GLCCI1: variants seen among roughly 807,000 people sequenced by gnomAD.
The protein encoded by GLCCI1 is glucocorticoid induced 1.
GLCCI1 carries 24 observed loss-of-function variants against 52.2 expected under a neutral mutation model. The observed-to-expected ratio is 0.46, with a 90% confidence interval of 0.33 to 0.65. GLCCI1 has a LOEUF of 0.65. Ranked by LOEUF, GLCCI1 falls within the 30% of genes least tolerant of loss-of-function variation. The pLI, the probability that GLCCI1 is intolerant of heterozygous loss-of-function variation, is 0.02. For missense variants in GLCCI1, 704 were observed against 701.5 expected (o/e 1.00, Z -0.04); for synonymous variants, 310 against 276.5 (o/e 1.12, Z -1.20).
chr7:8,016,624 A>G (rs1291393359), intron 2 of GLCCI1, among the ~76,000 whole-genome samples: 2 of 152,192 alleles, frequency 1.3e-5, no homozygotes, highest in Non-Finnish European at 2.9e-5. Context: ...GAGATACCAT[A>G]TTGTTAGGAA....
intron 3 of GLCCI1, among the ~76,000 whole-genome samples, chr7:8,028,333 G>T (rs1007131708): frequency 1.3e-5 from 2 of 152,116 alleles, no homozygotes; most frequent in Non-Finnish European, 2.9e-5. Context: ...CAAGCACATG[G>T]AAGTTAAACA....
rs1478327157 is a variant in GLCCI1, at chr7:7,968,840, C to CGGCGGCGTT, written c.-510_-502dup. The CGGCGGCGTT allele has an allele frequency of 1.9e-5, 3 of 160,666 alleles. No homozygotes were observed. The highest frequency in any genetic ancestry group is 7.2e-5 in the African/African-American group (3 of 41,496). The allele number at this position is 160,666 out of a possible 1,614,324, so 10.0% of individuals were successfully genotyped here. A position where few individuals can be genotyped will look rare whatever the true frequency, so the allele number is the denominator to read the frequency against. On this transcript the variant is annotated 5_prime_UTR_variant, in exon 1 of 8. Coordinates refer to ENST00000223145, the MANE Select transcript of GLCCI1 (RefSeq NM_138426.4). ...GAGTGGGTAGAAGCGGCGGCGGCGG[C>CGGCGGCGTT]GGCGGCGTTTGCGGTGGCGCGGACT...
At chr7:8,055,197 G>C (rs932593674) in intron 3 of GLCCI1, among the ~76,000 whole-genome samples, 1 of 152,164 alleles carries the variant, frequency 6.6e-6, no homozygotes, top group Non-Finnish European at 1.5e-5. Flanking sequence ...AATGTAGTTA[G>C]CATATTTACC....
chr7:8,081,877 A>G (rs949933546), intron 6 of GLCCI1, among the ~76,000 whole-genome samples: 130 of 152,342 alleles, frequency 8.5e-4, no homozygotes, highest in African/African-American at 3.0e-3. Context: ...TATAAAAATG[A>G]GACTTGTGAA....
intron 6 of GLCCI1, among the ~76,000 whole-genome samples, chr7:8,079,314 T>TA (rs1562453204): frequency 8.6e-5 from 13 of 151,752 alleles, no homozygotes; most frequent in African/African-American, 3.2e-4. Context: ...TTCCTGGAAA[T>TA]TTTGCCATTT....
At chr7:7,982,052 A>G (rs1780633822) in intron 1 of GLCCI1, 15 of 467,894 alleles carry the variant, frequency 3.2e-5, no homozygotes, top group South Asian at 2.4e-4. Flanking sequence ...ATGAAAGAGT[A>G]AAAAGAGAGA....
chr7:7,994,505 A>C (rs1247071425), intron 1 of GLCCI1, among the ~76,000 whole-genome samples: 1 of 152,226 alleles, frequency 6.6e-6, no homozygotes, highest in Non-Finnish European at 1.5e-5. Flanking sequence ...ATCCCATGAC[A>C]GAGGTAGAAA....
chr7:8,016,446 A>G (rs6968802), intron 2 of GLCCI1, among the ~76,000 whole-genome samples: 23,404 of 152,026 alleles, frequency 0.15, 2,228 homozygotes, highest in East Asian at 0.36. Context: ...TCCAGCCTGG[A>G]CGACAGAGCG....
At chr7:7,983,617 A>T (rs1255021565) in intron 1 of GLCCI1, among the ~76,000 whole-genome samples, 3 of 152,194 alleles carry the variant, frequency 2.0e-5, no homozygotes, top group African/African-American at 7.2e-5. Context: ...TATTTTTTAA[A>T]TCCTTACATA....
intron 3 of GLCCI1, among the ~76,000 whole-genome samples, chr7:8,031,755 G>T (rs991829443): frequency 6.6e-6 from 1 of 151,392 alleles, no homozygotes; most frequent in African/African-American, 2.4e-5. Flanking sequence ...CAAAAAGATG[G>T]GAAAAGATAA....
At chr7:7,996,840 A>T (rs75499390) in intron 1 of GLCCI1, among the ~76,000 whole-genome samples, 1 of 152,138 alleles carries the variant, frequency 6.6e-6, no homozygotes, top group African/African-American at 2.4e-5. Flanking sequence ...CTTCTGTGGT[A>T]GGGTTCCAGG....
intron 3 of GLCCI1, among the ~76,000 whole-genome samples, chr7:8,045,333 T>C (rs1782097053): frequency 6.6e-6 from 1 of 151,964 alleles, no homozygotes; most frequent in South Asian, 2.1e-4. Flanking sequence ...GGCAACATAT[T>C]TGGGATGTGG....
intron 1 of GLCCI1, among the ~76,000 whole-genome samples, chr7:7,976,100 T>A (rs536959706): frequency 3.3e-4 from 50 of 152,272 alleles, no homozygotes; most frequent in African/African-American, 1.1e-3. Context: ...CTGCAATTTG[T>A]GGGTTGAACA....
At chr7:7,977,555 A>G (rs530677892) in intron 1 of GLCCI1, among the ~76,000 whole-genome samples, 1 of 152,286 alleles carries the variant, frequency 6.6e-6, no homozygotes, top group South Asian at 2.1e-4. Context: ...GAGTCAAGAA[A>G]CCTGAGTTCT....
At chr7:8,058,163 G>T (rs1241129772) in intron 4 of GLCCI1, among the ~76,000 whole-genome samples, 2 of 152,050 alleles carry the variant, frequency 1.3e-5, no homozygotes, top group South Asian at 4.1e-4. Flanking sequence ...TCTTATATTA[G>T]TAATGTTTCA....
At chr7:8,055,182 G>A (rs1229065332) in intron 3 of GLCCI1, among the ~76,000 whole-genome samples, 2 of 152,118 alleles carry the variant, frequency 1.3e-5, no homozygotes, top group East Asian at 3.8e-4. Context: ...GAAATAATCT[G>A]GGGAAATGTA....
chr7:8,064,339 G>C (rs1343910401), intron 5 of GLCCI1, among the ~76,000 whole-genome samples: 3 of 152,142 alleles, frequency 2.0e-5, no homozygotes, highest in Non-Finnish European at 4.4e-5. Context: ...AATTATCCCA[G>C]TGCCATTTAT....
chr7:7,990,920 C>T (rs1279522351), intron 1 of GLCCI1, among the ~76,000 whole-genome samples: 1 of 152,018 alleles, frequency 6.6e-6, no homozygotes, highest in African/African-American at 2.4e-5. Context: ...ACATATTCAC[C>T]ATTGCTGGAT....
In GLCCI1 at chr7:8,022,506, G is replaced by C. The variant is rs749097778; in HGVS notation, c.633G>C (p.Glu211Asp). 1.3e-6 allele frequency: 2 copies of C among 1,583,122 alleles called. No individual in the cohort carries two copies. The highest frequency in any genetic ancestry group is 2.3e-5 in the South Asian group (2 of 86,808). ...AGACACCTAGCTGTTGGGCAGAAGA[G>C]GGTGCAGAAAAGAGGTCACATCAGC... ...ATQTPSCWAE[E>D]GAEKRSHQRS... is the part of the protein sequence containing the mutation. The change falls in exon 3 of 8, where the codon GAG (glutamate) becomes GAC (aspartate). Residue 211 changes from glutamate to aspartate, a missense_variant. Coordinates refer to ENST00000223145, the MANE Select transcript of GLCCI1 (RefSeq NM_138426.4).
Sources: allele counts gnomAD v4.1 joint callset (sites outside exome capture counted in the v4.1 genomes callset), GRCh38; gene constraint gnomAD v4.1.1; transcripts MANE v1.5; gene names NCBI Gene and HGNC (gene_info 2026-07-23, HGNC 2026-07-21).